CTPS1: variants seen among roughly 807,000 people sequenced by gnomAD.
CTPS1 encodes CTP synthetase 1.
CTPS1 carries 25 observed loss-of-function variants against 80.5 expected under a neutral mutation model. That is an observed-to-expected ratio of 0.31 (90% CI 0.23 to 0.43). The LOEUF (loss-of-function observed/expected upper bound fraction) is 0.43. Ranked by LOEUF, CTPS1 falls within the 20% of genes least tolerant of loss-of-function variation. The pLI is 1.00. For synonymous variants in CTPS1, 267 were observed against 252.5 expected (o/e 1.06, Z -0.54); for missense variants, 442 against 725.7 (o/e 0.61, Z 4.49).
In CTPS1 at chr1:40,997,323, A is replaced by G. The variant is rs565207473; in HGVS notation, c.873-71A>G. Reference sequence around the variant, plus strand: ...CAGACGTGGTTTTTTTTCCCTTGAAATAGCTATTTTGGTCTCATGATAGCG... The same window carrying G: ...CAGACGTGGTTTTTTTTCCCTTGAAGTAGCTATTTTGGTCTCATGATAGCG... On this transcript the variant is annotated intron_variant, in intron 8 of 18. Coordinates refer to ENST00000650070, the MANE Select transcript of CTPS1 (RefSeq NM_001905.4). The G allele has an allele frequency of 2.0e-6, 3 of 1,528,544 alleles. No homozygotes were observed. The Admixed American group carries it at 6.3e-5, about 32-fold the overall frequency. The allele number at this position is 1,528,544 out of a possible 1,614,324, so 94.7% of individuals were successfully genotyped here.
chr1:40,998,427 G>A (rs1642816308), intron 9 of CTPS1, among the ~76,000 whole-genome samples: 1 of 145,170 alleles, frequency 6.9e-6, no homozygotes, highest in Non-Finnish European at 1.5e-5. Context: ...AAAAAACATG[G>A]ATGCCTGAGC....
chr1:40,999,404 A>G (rs1642845499), intron 9 of CTPS1, among the ~76,000 whole-genome samples: 4 of 152,154 alleles, frequency 2.6e-5, no homozygotes, highest in Non-Finnish European at 5.9e-5. Flanking sequence ...AGTGGTGAAC[A>G]CCCTAATTTA....
At chr1:40,989,452 G>C (rs1642545685) in intron 5 of CTPS1, among the ~76,000 whole-genome samples, 1 of 152,166 alleles carries the variant, frequency 6.6e-6, no homozygotes, top group South Asian at 2.1e-4. Context: ...CCACGTAGGA[G>C]GTTGTAAGAT....
chr1:40,993,645 T>C (rs1322936153), intron 7 of CTPS1, among the ~76,000 whole-genome samples: 1 of 152,236 alleles, frequency 6.6e-6, no homozygotes, highest in Admixed American at 6.5e-5. Flanking sequence ...CAGCCTTACT[T>C]ACTCTTTTAA....
At chr1:41,004,419 G>A (rs1175702922) in intron 12 of CTPS1, among the ~76,000 whole-genome samples, 2 of 152,146 alleles carry the variant, frequency 1.3e-5, no homozygotes, top group African/African-American at 4.8e-5. Context: ...TGAGTCCTGA[G>A]AGGCACTGTC....
At chr1:40,992,922 G>A (rs1175745982) in intron 7 of CTPS1, among the ~76,000 whole-genome samples, 4 of 152,026 alleles carry the variant, frequency 2.6e-5, no homozygotes, top group African/African-American at 9.7e-5. Flanking sequence ...TCAAAGTCCT[G>A]ACCTCAGGTG....
Position 41,002,157 on chromosome 1 carries a change from C to T in CTPS1, c.1095-3C>T. On this transcript the variant is annotated splice_polypyrimidine_tract_variant and splice_region_variant and intron_variant, in intron 10 of 18. Transcript: ENST00000650070. Reference sequence around the variant, plus strand: ...TGCCTTTGTGGTTTGTTCTTTTGTGCAGTGGAGTGCTGGTTCCAGGAGGAT... The same window carrying T: ...TGCCTTTGTGGTTTGTTCTTTTGTGTAGTGGAGTGCTGGTTCCAGGAGGAT... 1 of 1,613,690 alleles carries T rather than the reference C, an allele frequency of 6.2e-7. No individual in the cohort carries two copies. The highest frequency in any genetic ancestry group is 8.5e-7 in the Non-Finnish European group (1 of 1,179,678).
intron 7 of CTPS1, among the ~76,000 whole-genome samples, chr1:40,994,835 T>C (rs1390764355): frequency 6.6e-6 from 1 of 152,236 alleles, no homozygotes; most frequent in Non-Finnish European, 1.5e-5. Context: ...TTTTCCCTAA[T>C]CTTAATTTAC....
intron 1 of CTPS1, among the ~76,000 whole-genome samples, chr1:40,982,884 T>C (rs1404012402): frequency 1.3e-5 from 2 of 152,210 alleles, no homozygotes; most frequent in African/African-American, 4.8e-5. Context: ...TTTTTTCCCA[T>C]GTAGGGAAAA....
rs559542688 is a variant in CTPS1, at chr1:40,987,549, C to G, written c.438+77C>G. 23 of 1,044,246 alleles carry G rather than the reference C, an allele frequency of 2.2e-5. 1 individual carries two copies. The highest frequency in any genetic ancestry group is 4.7e-5 in the African/African-American group (3 of 63,800). The allele number at this position is 1,044,246 out of a possible 1,614,324, so 64.7% of individuals were successfully genotyped here. ...CCATCAATAACTGATAAGACAGTTCCCAGTGGAGCCCTTGGCCTTCCTATC... is the reference window on the plus strand; with the variant it reads ...CCATCAATAACTGATAAGACAGTTCGCAGTGGAGCCCTTGGCCTTCCTATC... On this transcript the variant is annotated intron_variant, in intron 4 of 18. Transcript: ENST00000650070.
chr1:40,981,825 G>A (rs552905438), intron 1 of CTPS1: 15 of 333,702 alleles, frequency 4.5e-5, no homozygotes, highest in South Asian at 3.7e-4. Context: ...AGACTTCTGA[G>A]CATTCTTCCT....
chr1:41,008,976 C>A, intron 16 of CTPS1, 86 bp downstream of exon 16: 1 of 1,070,434 alleles, frequency 9.3e-7, no homozygotes, highest in Non-Finnish European at 1.4e-6. Context: ...TATCTTGTTG[C>A]TCCTGACCTA....
intron 2 of CTPS1, 27 bp downstream of exon 2, chr1:40,983,483 A>G (rs374644871): frequency 2.5e-6 from 4 of 1,568,728 alleles, no homozygotes; most frequent in Non-Finnish European, 3.5e-6. Context: ...TCTTCATAAT[A>G]ATTGCATGTG....
Position 40,991,371 on chromosome 1 carries a change from G to A in CTPS1, c.639+123G>A, listed in dbSNP as rs1642607060. 3 of 728,044 alleles carry A rather than the reference G, an allele frequency of 4.1e-6. No individual in the cohort carries two copies. The African/African-American group carries it at 5.5e-5, about 13-fold the overall frequency. The allele number at this position is 728,044 out of a possible 1,614,324, so 45.1% of individuals were successfully genotyped here. On this transcript the variant is annotated intron_variant, in intron 6 of 18. Transcript: ENST00000650070. ...TTGATAATTGATGATGGAGAAAATA[G>A]GATTAGTTCTTTGAACCGGGCTGTA... is the stretch of plus-strand genomic sequence containing the variant.
chr1:40,990,933 C>G (rs955458121), intron 5 of CTPS1, among the ~76,000 whole-genome samples: 1 of 152,056 alleles, frequency 6.6e-6, no homozygotes, highest in South Asian at 2.1e-4. Flanking sequence ...GCGGTTGTTT[C>G]TAGGGATTGG....
chr1:40,991,756 T>C lies in CTPS1; in HGVS notation c.640-9T>C. ...CTTCTGTCTAAGCCATCTTGTTCTC[T>C]ACTGCTAGGTTGTATGCAGGTGCTC... On this transcript the variant is annotated splice_polypyrimidine_tract_variant and intron_variant, in intron 6 of 18. Transcript: ENST00000650070. 6.2e-7 allele frequency: 1 copy of C among 1,607,150 alleles called. No individual in the cohort carries two copies. Among genetic ancestry groups the C allele is most frequent in the Non-Finnish European group, 8.5e-7 (1 of 1,173,624 alleles).
intron 12 of CTPS1, among the ~76,000 whole-genome samples, chr1:41,003,759 G>A (rs531580134): frequency 6.6e-6 from 1 of 152,336 alleles, no homozygotes; most frequent in African/African-American, 2.4e-5. Context: ...CTATGTGACA[G>A]ACCTCCCTAA....
Position 40,984,869 on chromosome 1 carries a change from G to A in CTPS1, c.215G>A (p.Gly72Asp). Residue 72 changes from glycine to aspartate, a missense_variant, in exon 3 of 19, where the codon GGT (glycine) becomes GAT (aspartate). This residue lies in a region of CTPS1 where 69 missense variants were observed against 102.1 expected (regional missense o/e 0.68). Coordinates refer to ENST00000650070, the MANE Select transcript of CTPS1 (RefSeq NM_001905.4). The stretch of plus-strand genomic sequence containing the variant: ...GGTGGGGAAGTAGACCTTGACCTGG[G>A]TAACTATGAGCGGTTCCTTGACATC... The part of the protein sequence containing the change: ...DDGGEVDLDL[G>D]NYERFLDIRL... 1 of 1,599,412 alleles carries A rather than the reference G, an allele frequency of 6.3e-7. No homozygotes were observed. Among genetic ancestry groups the A allele is most frequent in the South Asian group, 1.1e-5 (1 of 88,946 alleles).
intron 1 of CTPS1, 198 bp downstream of exon 1, chr1:40,980,027 G>C (rs959900130): frequency 5.3e-5 from 8 of 151,262 alleles, no homozygotes; most frequent in East Asian, 1.9e-4. Flanking sequence ...CGGCCGGCGA[G>C]CTGCCGGCTC....
Sources: allele counts gnomAD v4.1 joint callset (sites outside exome capture counted in the v4.1 genomes callset), GRCh38; gene constraint gnomAD v4.1.1; regional missense constraint gnomAD v4.1.1; transcripts MANE v1.5; gene names NCBI Gene and HGNC (gene_info 2026-07-23, HGNC 2026-07-21).